The following SET variants were observed in gnomAD, a reference collection of about 807,000 sequenced individuals.
The protein encoded by SET is protein SET.
Under a neutral mutation model 39.0 loss-of-function variants are expected in SET, and 4 were observed. That is an observed-to-expected ratio of 0.10 (90% CI 0.05 to 0.23). The LOEUF is 0.23. SET is among the 10% of genes least tolerant of loss of function. The probability of loss-of-function intolerance (pLI) is 1.00; values close to 1 mark genes in which losing one functional copy is unlikely to be tolerated. For missense variants in SET, 137 were observed against 329.7 expected (o/e 0.42, Z 4.53); for synonymous variants, 114 against 115.9 (o/e 0.98, Z 0.11).
Position 128,695,432 on chromosome 9 carries a change from A to C in SET, c.*768A>C, listed in dbSNP as rs576859182. 2.7e-4 allele frequency: 60 copies of C among 222,646 alleles called. No homozygotes were observed. The highest frequency in any genetic ancestry group is 1.3e-3 in the African/African-American group (58 of 44,952). 13.8% of individuals were successfully genotyped at this position (222,646 alleles called of 1,614,324 possible). On this transcript the variant is annotated 3_prime_UTR_variant, in exon 8 of 8. Transcript: ENST00000322030. The stretch of plus-strand genomic sequence containing the variant: ...GTAATTTTGTTCCTGTTTATTTTTA[A>C]ATTTTCTTTTTGTTTCACTGGAAAG...
chr9:128,693,679 C>T lies in SET; in HGVS notation c.534C>T (p.Ser178=). Residue 178 remains serine (S), a synonymous_variant, in exon 6 of 8, where the codon AGC becomes AGT. Coordinates refer to ENST00000322030, the MANE Select transcript of SET (RefSeq NM_003011.4). ...KRSSQTQNKA[S]RKRQHEEPES... ...CGAGTCAAACGCAGAATAAAGCCAG[C>T]AGGAAGAGGCAGCATGAGGAACCAG... 6.2e-7 allele frequency: 1 copy of T among 1,613,186 alleles called. No homozygotes were observed. The highest frequency in any genetic ancestry group is 8.5e-7 in the Non-Finnish European group (1 of 1,179,802).
At chr9:128,690,877 CTG>C in intron 1 of SET, 2 of 428,474 alleles carry the variant, frequency 4.7e-6, no homozygotes, top group African/African-American at 2.0e-5. Flanking sequence ...TAAGGTTATT[CTG>C]TGTCTTTCAT....
chr9:128,692,711 C>T lies in SET; in HGVS notation c.324C>T (p.Thr108=). 6.2e-7 allele frequency: 1 copy of T among 1,612,484 alleles called. No individual in the cohort carries two copies. The highest frequency in any genetic ancestry group is 8.5e-7 in the Non-Finnish European group (1 of 1,179,322). The part of the protein sequence containing the change: ...EEDEEALHYL[T]RVEVTEFEDI... The stretch of plus-strand genomic sequence containing the variant: ...ATGAAGAGGCACTGCATTATTTGAC[C>T]AGAGTTGAAGTGACAGAATTTGAAG... The change falls in exon 4 of 8, where the codon ACC becomes ACT. Residue 108 remains threonine (T), a synonymous_variant. Coordinates refer to ENST00000322030, the MANE Select transcript of SET (RefSeq NM_003011.4).
chr9:128,685,304 CT>C, upstream of SET: 1 of 1,067,710 alleles, frequency 9.4e-7, no homozygotes, highest in East Asian at 2.6e-5. Context: ...AGTCTGAAAT[CT>C]AAGGGGAGCA....
Position 128,689,454 on chromosome 9 carries a change from G to C in SET, c.-129G>C. 2.2e-6 allele frequency: 1 copy of C among 444,698 alleles called. No individual in the cohort carries two copies. The highest frequency in any genetic ancestry group is 3.3e-6 in the Non-Finnish European group (1 of 302,430). The allele number at this position is 444,698 out of a possible 1,614,324, so 27.5% of individuals were successfully genotyped here. A position where few individuals can be genotyped will look rare whatever the true frequency, so the allele number is the denominator to read the frequency against. ...AGCGAGGGGGAGGGAGAGCGAGCGA[G>C]CGCCGGGAGGAGGCGGCCGGACCGA... On this transcript the variant is annotated 5_prime_UTR_variant, in exon 1 of 8. Coordinates refer to ENST00000322030, the MANE Select transcript of SET (RefSeq NM_003011.4).
upstream of SET, among the ~76,000 whole-genome samples, chr9:128,687,848 CCAAA>C (rs1476218241): frequency 2.9e-4 from 44 of 152,284 alleles, no homozygotes; most frequent in African/African-American, 9.4e-4. Context: ...CCTTGGCCTC[CCAAA>C]GTGTTGGGAT....
chr9:128,688,688 G>GCC (rs1178666549), upstream of SET, among the ~76,000 whole-genome samples: 1 of 152,208 alleles, frequency 6.6e-6, no homozygotes, highest in Non-Finnish European at 1.5e-5. Context: ...CCCAGGAATG[G>GCC]CCCTGCGCGC....
In SET at chr9:128,693,726, C is replaced by T. The variant is rs1268994417; in HGVS notation, c.581C>T (p.Thr194Ile). The T allele has an allele frequency of 6.8e-6, 11 of 1,613,642 alleles. No homozygotes were observed. Among genetic ancestry groups the T allele is most frequent in the Non-Finnish European group, 9.3e-6 (11 of 1,180,024 alleles). The change falls in exon 6 of 8, where the codon ACT (threonine) becomes ATT (isoleucine). Residue 194 changes from threonine (T) to isoleucine (I), a missense_variant. By Grantham distance (89) the Thr-to-Ile change is moderately conservative. Coordinates refer to ENST00000322030, the MANE Select transcript of SET (RefSeq NM_003011.4). ...EEPESFFTWFTDHSDAGADEL... is the reference protein window; with the variant it reads ...EEPESFFTWFIDHSDAGADEL... Reference sequence around the variant, plus strand: ...CCAGAGAGCTTCTTTACCTGGTTTACTGACCATTCTGATGCAGGTGCTGAT... The same window carrying T: ...CCAGAGAGCTTCTTTACCTGGTTTATTGACCATTCTGATGCAGGTGCTGAT...
chr9:128,693,841 A>T (rs1329226816), intron 6 of SET, 33 bp downstream of exon 6: 2 of 1,605,438 alleles, frequency 1.2e-6, no homozygotes. Flanking sequence ...TCAAGGTTGG[A>T]CTTGTCTCGG....
chr9:128,690,479 A>G (rs1039707784), intron 1 of SET: 2 of 152,862 alleles, frequency 1.3e-5, no homozygotes, highest in African/African-American at 4.8e-5. Flanking sequence ...CCTATTCCAG[A>G]GCACACCCCC....
rs1191298232 is a variant in SET at position 128,689,287 on chromosome 9, CGCCGAGCGCGAGTGAGGGA to C, written c.-288_-270del. The stretch of plus-strand genomic sequence containing the variant: ...AGAGCGAGCAGCGAGCTGGCTGGAT[CGCCGAGCGCGAGTGAGGGA>C]GCCGAGCCGCCCGCCGCCGCCGCCT... On this transcript the variant is annotated 5_prime_UTR_variant, in exon 1 of 8. Coordinates refer to ENST00000322030, the MANE Select transcript of SET (RefSeq NM_003011.4). 1 of 1,015,936 alleles carries C rather than the reference CGCCGAGCGCGAGTGAGGGA, an allele frequency of 9.8e-7. No homozygotes were observed. Among genetic ancestry groups the C allele is most frequent in the Non-Finnish European group, 1.2e-6 (1 of 849,174 alleles). 62.9% of individuals were successfully genotyped at this position (1,015,936 alleles called of 1,614,324 possible).
In SET at chr9:128,695,581, C is replaced by G. The variant is rs942932315; in HGVS notation, c.*917C>G. 3.6e-5 allele frequency: 8 copies of G among 224,162 alleles called. No individual in the cohort carries two copies. Among genetic ancestry groups the G allele is most frequent in the Non-Finnish European group, 5.4e-5 (6 of 111,424 alleles). 13.9% of individuals were successfully genotyped at this position (224,162 alleles called of 1,614,324 possible). A position where few individuals can be genotyped will look rare whatever the true frequency, so the allele number is the denominator to read the frequency against. On this transcript the variant is annotated 3_prime_UTR_variant, in exon 8 of 8. Transcript: ENST00000322030. ...CATAGGTATGCTTACTATGACCTTC[C>G]AAGTTTGACTTGTATAACATCACTG... is the stretch of plus-strand genomic sequence containing the variant.
intron 7 of SET, 110 bp from the exon 8 acceptor site, chr9:128,694,531 G>C (rs1483028748): frequency 1.5e-6 from 1 of 653,652 alleles, no homozygotes; most frequent in Non-Finnish European, 2.7e-6. Flanking sequence ...CTGACTTACA[G>C]GTTTAGAAAC....
upstream of SET, chr9:128,685,024 C>A: frequency 6.8e-7 from 1 of 1,479,642 alleles, no homozygotes; most frequent in Non-Finnish European, 9.0e-7. Context: ...TGTGGATAGG[C>A]CCAGGGCCTG....
Position 128,695,920 on chromosome 9 carries a change from A to G in SET, c.*1256A>G, listed in dbSNP as rs1450721315. 4.4e-6 allele frequency: 1 copy of G among 227,330 alleles called. No homozygotes were observed. Among genetic ancestry groups the G allele is most frequent in the African/African-American group, 2.2e-5 (1 of 45,174 alleles). 14.1% of individuals were successfully genotyped at this position (227,330 alleles called of 1,614,324 possible). Reference sequence around the variant, plus strand: ...CAACAGACCTGGTGCTCTAATGCCAAGTTATACACGGGACAGTTGCTGGCA... The same window carrying G: ...CAACAGACCTGGTGCTCTAATGCCAGGTTATACACGGGACAGTTGCTGGCA... On this transcript the variant is annotated 3_prime_UTR_variant, in exon 8 of 8. Coordinates refer to ENST00000322030, the MANE Select transcript of SET (RefSeq NM_003011.4).
At chr9:128,687,601 T>C (rs1459993092), upstream of SET, among the ~76,000 whole-genome samples, 1 of 132,780 alleles carries the variant, frequency 7.5e-6, no homozygotes, top group Non-Finnish European at 1.6e-5. Context: ...GAATGAGACT[T>C]GGTCCCCTCC....
chr9:128,688,622 G>C (rs1861370097), upstream of SET, among the ~76,000 whole-genome samples: 4 of 152,228 alleles, frequency 2.6e-5, no homozygotes, highest in South Asian at 8.3e-4. Context: ...CGGGTTCAGA[G>C]AGGAAGGGTG....
At position 128,694,268 on chromosome 9, in the gene SET, TATC is replaced by T. The variant is rs371753033; in HGVS notation, c.810+228_810+230del. ...TTTTTTGGGTTTTTTTGGTTAGACT[TATC>T]ACCACCCAAGCTTGTTTTTCCCTAG... On this transcript the variant is annotated intron_variant, in intron 7 of 7. Coordinates refer to ENST00000322030, the MANE Select transcript of SET (RefSeq NM_003011.4). 2.6e-4 allele frequency among the ~76,000 whole-genome samples: 39 copies of T among 152,224 alleles called. No individual in the cohort carries two copies. In the East Asian group the frequency reaches 7.5e-3, roughly 29 times the overall value.
chr9:128,683,705 T>TGGAG, exon 1 of SET: 1 of 443,888 alleles, frequency 2.3e-6, no homozygotes, highest in Non-Finnish European at 4.0e-6. Flanking sequence ...TTCTCCTGAT[T>TGGAG]GGAGGGTGGG....
Sources: gnomAD v4.1 joint callset for allele counts (sites outside exome capture counted in the v4.1 genomes callset) on GRCh38, gnomAD v4.1.1 for gene constraint, MANE v1.5 for transcripts, NCBI Gene and HGNC (gene_info 2026-07-23, HGNC 2026-07-21) for gene names.